The following TLN2 variants were observed in gnomAD, a reference collection of about 807,000 sequenced individuals.
The protein encoded by TLN2 is talin 2.
Under a neutral mutation model 294.7 loss-of-function variants are expected in TLN2, and 118 were observed. That is an observed-to-expected ratio of 0.40 (90% CI 0.34 to 0.47). The LOEUF is 0.47. TLN2 is among the 20% of genes least tolerant of loss of function. The pLI is 0.84. For missense variants in TLN2, 3,083 were observed against 3,282.2 expected (o/e 0.94, Z 1.48); for synonymous variants, 1,431 against 1,304.5 (o/e 1.10, Z -2.09).
intron 9 of TLN2, among the ~76,000 whole-genome samples, chr15:62,672,486 G>A (rs2055551372): frequency 6.6e-6 from 1 of 152,202 alleles, no homozygotes; most frequent in South Asian, 2.1e-4. Context: ...GGAAATAGAT[G>A]AGTCATGATT....
chr15:62,707,852 G>T (rs1027225124), intron 20 of TLN2, among the ~76,000 whole-genome samples: 1 of 152,040 alleles, frequency 6.6e-6, no homozygotes, highest in Non-Finnish European at 1.5e-5. Context: ...CTCCAAATAC[G>T]CTTTCCCCTC....
At chr15:62,527,022 C>T (rs369425178) in intron 1 of TLN2, among the ~76,000 whole-genome samples, 76 of 152,238 alleles carry the variant, frequency 5.0e-4, no homozygotes, top group African/African-American at 1.1e-3. Flanking sequence ...TAGACAGGCA[C>T]GTGTTGTACC....
chr15:62,780,982 T>C (rs2064115543), intron 43 of TLN2, among the ~76,000 whole-genome samples, 158 bp from the exon 44 acceptor site: 1 of 152,190 alleles, frequency 6.6e-6, no homozygotes, highest in African/African-American at 2.4e-5. Flanking sequence ...TGCCCTTCTG[T>C]TGAAGTCCTT....
At chr15:62,562,639 C>T (rs1596139575) in intron 1 of TLN2, among the ~76,000 whole-genome samples, 2 of 151,976 alleles carry the variant, frequency 1.3e-5, no homozygotes, top group East Asian at 3.9e-4. Context: ...TTGGTGCACC[C>T]ATCACCGGAG....
intron 1 of TLN2, among the ~76,000 whole-genome samples, chr15:62,526,771 T>TA (rs554136104): frequency 1.3e-5 from 2 of 152,202 alleles, no homozygotes; most frequent in Non-Finnish European, 2.9e-5. Context: ...AGTTGGGAAA[T>TA]ATTCTTTATT....
intron 2 of TLN2, among the ~76,000 whole-genome samples, chr15:62,598,579 T>C (rs905499351): frequency 6.6e-6 from 1 of 152,140 alleles, no homozygotes. Flanking sequence ...AAAAGGTGTT[T>C]TATCAATGAC....
rs57713976 is a variant in TLN2 at position 62,636,249 on chromosome 15, AATAGATAGATAG to A, written c.-36-11004_-36-10993del. The stretch of plus-strand genomic sequence containing the variant: ...CTAAGTCTAAGATCAGGGATACTGT[AATAGATAGATAG>A]ATAGATAGATAGATAGATAGAGTTT... On this transcript the variant is annotated intron_variant, in intron 3 of 58. Coordinates refer to ENST00000636159, the MANE Select transcript of TLN2 (RefSeq NM_015059.3). 2.2e-3 allele frequency among the ~76,000 whole-genome samples: 328 copies of A among 150,140 alleles called. 1 individual carries two copies. The highest frequency in any genetic ancestry group is 7.5e-3 in the African/African-American group (307 of 40,794).
chr15:62,604,703 T>A (rs1304540101), intron 2 of TLN2, among the ~76,000 whole-genome samples: 1 of 151,104 alleles, frequency 6.6e-6, no homozygotes, highest in African/African-American at 2.4e-5. Context: ...TCTTTTTTTT[T>A]TTTTTTTAAT....
At chr15:62,419,900 C>T (rs1024802241) in intron 1 of TLN2, among the ~76,000 whole-genome samples, 10 of 152,216 alleles carry the variant, frequency 6.6e-5, no homozygotes, top group African/African-American at 2.4e-4. Flanking sequence ...GCTGGGATTA[C>T]AGGCGTGAGC....
intron 54 of TLN2, among the ~76,000 whole-genome samples, chr15:62,822,331 A>C (rs550869866): frequency 2.0e-5 from 3 of 152,360 alleles, no homozygotes; most frequent in African/African-American, 7.2e-5. Context: ...TCATCACTGA[A>C]AATGTGTGTC....
At position 62,800,775 on chromosome 15, in the gene TLN2, G is replaced by T. The variant is rs758801576; in HGVS notation, c.6477+6G>T. 6.2e-6 allele frequency: 10 copies of T among 1,607,464 alleles called. No homozygotes were observed. Among genetic ancestry groups the T allele is most frequent in the Non-Finnish European group, 7.6e-6 (9 of 1,176,690 alleles). On this transcript the variant is annotated splice_donor_region_variant and intron_variant, in intron 50 of 58. Transcript: ENST00000636159. ...GCATAAAGCAGGAGCTTACGGTAAG[G>T]AGCCAGCAGTTACCTCCCTTGGGTA...
chr15:62,831,995 A>T (rs1015439790), intron 54 of TLN2: 7 of 151,898 alleles, frequency 4.6e-5, no homozygotes, highest in Non-Finnish European at 8.8e-5. Flanking sequence ...TTAGGTTTAG[A>T]TTCTGGTTTA....
chr15:62,749,517 G>C (rs2061801931), intron 33 of TLN2, among the ~76,000 whole-genome samples: 2 of 152,126 alleles, frequency 1.3e-5, no homozygotes, highest in South Asian at 2.1e-4. Context: ...TCCAAGGAGT[G>C]GGAGGAGGTT....
At chr15:62,506,085 G>C (rs1483435993) in intron 1 of TLN2, among the ~76,000 whole-genome samples, 2 of 152,336 alleles carry the variant, frequency 1.3e-5, no homozygotes, top group Admixed American at 1.3e-4. Context: ...GGCCCGAATG[G>C]AGCCTATATT....
chr15:62,465,511 G>A (rs1053448737), intron 1 of TLN2, among the ~76,000 whole-genome samples: 3 of 152,120 alleles, frequency 2.0e-5, no homozygotes, highest in Admixed American at 6.5e-5. Context: ...GTGTTCTGTC[G>A]TTCTCGAAAC....
chr15:62,485,579 C>G (rs894973965), intron 1 of TLN2, among the ~76,000 whole-genome samples: 4 of 152,150 alleles, frequency 2.6e-5, no homozygotes, highest in African/African-American at 9.7e-5. Flanking sequence ...TGACCTTGCT[C>G]TGGAATCCTT....
intron 32 of TLN2, among the ~76,000 whole-genome samples, chr15:62,742,069 G>GTA (rs2061368882): frequency 6.9e-6 from 1 of 145,958 alleles, no homozygotes; most frequent in Non-Finnish European, 1.5e-5. Flanking sequence ...GTGTGTGTGT[G>GTA]TGTGTGAAGG....
intron 9 of TLN2, among the ~76,000 whole-genome samples, chr15:62,673,310 C>CTTTGTTTTTTTTTTTTTTTT (rs2055684795): frequency 2.3e-5 from 1 of 42,856 alleles, no homozygotes; most frequent in Non-Finnish European, 4.3e-5. Flanking sequence ...TTAGATGTTG[C>CTTTGTTTTTTTTTTTTTTTT]TTTTTTTTTT....
In TLN2 at chr15:62,541,026, A is replaced by T. The variant is rs1401901363; in HGVS notation, c.-237-48661A>T. 2.0e-5 allele frequency among the ~76,000 whole-genome samples: 3 copies of T among 152,154 alleles called. No homozygotes were observed. In the East Asian group the frequency reaches 5.8e-4, roughly 29 times the overall value. The stretch of plus-strand genomic sequence containing the variant: ...TCAGGTGAGAGTCATGTGCTTTAGG[A>T]ACTAGGCTGTGAACTTCTAAAGTCA... On this transcript the variant is annotated intron_variant, in intron 1 of 58. Transcript: ENST00000636159.
Sources: allele counts gnomAD v4.1 joint callset (sites outside exome capture counted in the v4.1 genomes callset), GRCh38; gene constraint gnomAD v4.1.1; transcripts MANE v1.5; gene names NCBI Gene and HGNC (gene_info 2026-07-23, HGNC 2026-07-21).